RIN3: variants seen among roughly 807,000 people sequenced by gnomAD.
The protein encoded by RIN3 is RAB5 interacting protein 3.
RIN3 carries 54 observed loss-of-function variants against 76.3 expected under a neutral mutation model. The observed-to-expected ratio is 0.71, with a 90% CI of 0.57 to 0.89. RIN3 has a LOEUF of 0.89. Among genes scored for constraint, RIN3 ranks in the 40% least tolerant of loss-of-function variants. The pLI is 0.00. For synonymous variants in RIN3, 576 were observed against 564.0 expected, an observed-to-expected ratio of 1.02 and a Z score of -0.30; for missense variants, 1,256 against 1,322.1, an observed-to-expected ratio of 0.95 and a Z score of 0.78.
intron 1 of RIN3, among the ~76,000 whole-genome samples, chr14:92,541,668 A>G (rs1897134836): frequency 6.6e-6 from 1 of 152,238 alleles, no homozygotes; most frequent in Admixed American, 6.5e-5. Context: ...AAAATAGGAC[A>G]AAGACCTAAA....
chr14:92,598,209 A>G (rs76316447), intron 3 of RIN3, among the ~76,000 whole-genome samples: 5,461 of 152,284 alleles, frequency 0.036, 122 homozygotes, highest in Middle Eastern at 0.058. Context: ...TGGAGAGACC[A>G]TGTGGAGAGG....
intron 2 of RIN3, among the ~76,000 whole-genome samples, chr14:92,557,984 G>A (rs1897646303): frequency 6.6e-6 from 1 of 152,268 alleles, no homozygotes; most frequent in Non-Finnish European, 1.5e-5. Context: ...CCCAGGAGAA[G>A]GTGCTGGCTC....
In RIN3 at chr14:92,688,326, C is replaced by T; in HGVS notation, c.*74C>T. 4 of 1,353,058 alleles carry T rather than the reference C, an allele frequency of 3.0e-6. No homozygotes were observed. The highest frequency in any genetic ancestry group is 1.5e-5 in the South Asian group (1 of 68,508). The allele number at this position is 1,353,058 out of a possible 1,614,324, so 83.8% of individuals were successfully genotyped here. Reference sequence around the variant, plus strand: ...GCCTCTGGCTGCGCACTCCCGACCGCGACGTCCACGCAGCAGAGGGACATG... The same window carrying T: ...GCCTCTGGCTGCGCACTCCCGACCGTGACGTCCACGCAGCAGAGGGACATG... On this transcript the variant is annotated 3_prime_UTR_variant, in exon 10 of 10. Transcript: ENST00000216487.
intron 4 of RIN3, among the ~76,000 whole-genome samples, chr14:92,619,923 A>G (rs541015157): frequency 6.6e-6 from 1 of 152,354 alleles, no homozygotes; most frequent in South Asian, 2.1e-4. Context: ...ACCTTCAAGC[A>G]TTTAGCAAGC....
chr14:92,549,005 C>T (rs1897349469), intron 1 of RIN3, among the ~76,000 whole-genome samples: 2 of 147,424 alleles, frequency 1.4e-5, no homozygotes, highest in Admixed American at 1.4e-4. Context: ...ATCACCAGGG[C>T]TCCCTCCCTC....
At position 92,685,001 on chromosome 14, in the gene RIN3, A is replaced by ACTAT; in HGVS notation, c.2483_2484insTATC (p.Thr829IlefsTer236). On this transcript the variant is annotated frameshift_variant, in exon 9 of 10. Transcript: ENST00000216487. LOFTEE classifies it high-confidence loss of function. This position sits in a 1 kb window ranked among gnomAD's most constrained non-coding sequence, Gnocchi z 4.7. ...TGTCCACGCAGGTTCCTACTATCTG[A>ACTAT]CCACCACCTACGGGGCCCTGGAGCA... The ACTAT allele has an allele frequency of 6.2e-7, 1 of 1,613,190 alleles. No homozygotes were observed. Among genetic ancestry groups the ACTAT allele is most frequent in the Non-Finnish European group, 8.5e-7 (1 of 1,179,348 alleles).
intron 3 of RIN3, among the ~76,000 whole-genome samples, chr14:92,595,183 G>A (rs779163029): frequency 1.3e-5 from 2 of 152,194 alleles, no homozygotes; most frequent in African/African-American, 2.4e-5. Context: ...GCAACACAGT[G>A]TAATCAGGGC....
intron 4 of RIN3, among the ~76,000 whole-genome samples, chr14:92,625,603 G>T (rs1377690743): frequency 6.6e-6 from 1 of 152,084 alleles, no homozygotes; most frequent in African/African-American, 2.4e-5. Flanking sequence ...TTTTGAAGTG[G>T]CCTGCTCTTC....
At chr14:92,666,240 C>T (rs1490679627) in intron 7 of RIN3, among the ~76,000 whole-genome samples, 5 of 152,182 alleles carry the variant, frequency 3.3e-5, no homozygotes, top group Admixed American at 6.5e-5. Context: ...CTTCATGGCC[C>T]GCTTGAAAGG....
intron 3 of RIN3, among the ~76,000 whole-genome samples, chr14:92,607,357 G>A (rs1396755104): frequency 1.3e-5 from 2 of 152,258 alleles, no homozygotes; most frequent in African/African-American, 4.8e-5. Flanking sequence ...CCTTTGAAAA[G>A]TAGAGGCTGG....
chr14:92,607,927 A>G (rs1040834249), intron 3 of RIN3, among the ~76,000 whole-genome samples: 3 of 152,250 alleles, frequency 2.0e-5, no homozygotes, highest in Non-Finnish European at 4.4e-5. Flanking sequence ...TTCAAAAGAT[A>G]TATACTTTGT....
At chr14:92,528,374 G>C (rs72697231) in intron 1 of RIN3, among the ~76,000 whole-genome samples, 24,805 of 152,258 alleles carry the variant, frequency 0.16, 2,253 homozygotes, top group Admixed American at 0.22. Flanking sequence ...TGGGGTTGAC[G>C]TTCCACTCTC....
chr14:92,579,660 A>T (rs535009154), intron 3 of RIN3, among the ~76,000 whole-genome samples: 1 of 152,354 alleles, frequency 6.6e-6, no homozygotes, highest in East Asian at 1.9e-4. Flanking sequence ...AACAGTTAAG[A>T]TTCATTAAAT....
chr14:92,525,790 T>A, intron 1 of RIN3, among the ~76,000 whole-genome samples: 1 of 152,168 alleles, frequency 6.6e-6, no homozygotes, highest in African/African-American at 2.4e-5. Context: ...CCAGCCAGAA[T>A]GTGATCACCC....
intron 3 of RIN3, among the ~76,000 whole-genome samples, chr14:92,588,334 T>C (rs1169443544): frequency 6.7e-6 from 1 of 148,406 alleles, no homozygotes; most frequent in East Asian, 2.0e-4. Flanking sequence ...TTCAAGCAAT[T>C]CTCCTGTCTC....
At chr14:92,686,295 T>C (rs538069840) in intron 9 of RIN3, 1 of 152,342 alleles carries the variant, frequency 6.6e-6, no homozygotes, top group Non-Finnish European at 1.5e-5. Flanking sequence ...TGGGACTCAG[T>C]TTTCCTGCCC....
chr14:92,521,265 C>G (rs1401191452), intron 1 of RIN3, among the ~76,000 whole-genome samples: 1 of 152,116 alleles, frequency 6.6e-6, no homozygotes, highest in African/African-American at 2.4e-5. Flanking sequence ...ATCCATCCAT[C>G]CATCCACTCA....
intron 3 of RIN3, among the ~76,000 whole-genome samples, chr14:92,589,587 A>G (rs1884906743): frequency 6.6e-6 from 1 of 152,178 alleles, no homozygotes; most frequent in African/African-American, 2.4e-5. Flanking sequence ...ATCAGTTGTG[A>G]GATCTTAACA....
At chr14:92,670,268 A>G (rs947142684) in intron 7 of RIN3, among the ~76,000 whole-genome samples, 5 of 152,196 alleles carry the variant, frequency 3.3e-5, no homozygotes, top group Non-Finnish European at 7.3e-5. Context: ...GTGATCAGCT[A>G]CCTACAGATG....
Sources: gnomAD v4.1 joint callset for allele counts (sites outside exome capture counted in the v4.1 genomes callset) on GRCh38, gnomAD v4.1.1 for gene constraint, Gnocchi (gnomAD v3.1) non-coding constraint, MANE v1.5 for transcripts, NCBI Gene and HGNC (gene_info 2026-07-23, HGNC 2026-07-21) for gene names.